Variants in SRPX observed in about 807,000 individuals in gnomAD.
SRPX encodes the protein sushi repeat-containing protein SRPX.
Under a neutral mutation model 38.1 loss-of-function variants are expected in SRPX, and 24 were observed. That is an observed-to-expected ratio of 0.63 (90% CI 0.46 to 0.89). The LOEUF (loss-of-function observed/expected upper bound fraction) is 0.89. Ranked by LOEUF, SRPX falls within the 40% of genes least tolerant of loss-of-function variation. The pLI is 0.00. For missense variants in SRPX, 416 were observed against 377.8 expected (o/e 1.10, Z -0.84); for synonymous variants, 184 against 153.8 (o/e 1.20, Z -1.45).
At chrX:38,176,777 G>T (rs1446971132) in intron 2 of SRPX, among the ~76,000 whole-genome samples, 2 of 111,118 alleles carry the variant, frequency 1.8e-5, no homozygotes, top group Admixed American at 1.9e-4. Context: ...TGGGTGACAG[G>T]GTGAGACTCC....
Position 38,203,241 on chromosome X carries a change from T to TA in SRPX, c.97+17454dup, listed in dbSNP as rs200761211. ...CGAAATTTAACATCCATTCGTGATT[T>TA]AAAAAAAAAAATTACAGCAATCTAG... On this transcript the variant is annotated intron_variant, in intron 1 of 9. Transcript: ENST00000378533. Among the ~76,000 whole-genome samples the TA allele has an allele frequency of 2.6e-3, 278 of 107,527 alleles. 6 individuals carry two copies. The East Asian group carries it at 0.064, about 25-fold the overall frequency. 93.4% of individuals were successfully genotyped at this position (107,527 alleles called of 115,157 possible).
chrX:38,164,874 T>C lies in SRPX; in HGVS notation c.548A>G (p.Lys183Arg). 2 of 1,210,589 alleles carry C rather than the reference T, an allele frequency of 1.7e-6. No individual in the cohort carries two copies. Among genetic ancestry groups the C allele is most frequent in the Non-Finnish European group, 2.2e-6 (2 of 894,926 alleles). Residue 183 changes from lysine (K) to arginine (R), a missense_variant, in exon 5 of 10, where the codon AAG becomes AGG. Lys to Arg is a conservative substitution (Grantham distance 26, BLOSUM62 2). Coordinates refer to ENST00000378533, the MANE Select transcript of SRPX (RefSeq NM_006307.5). Reference protein sequence around the residue: ...SCVDMEPPRIKCPSVKERIAE... With the variant: ...SCVDMEPPRIRCPSVKERIAE... ...AATGCGTTCCTTCACACTTGGGCAC[T>C]TGATTCTAGGAGGTTCCATATCTGA...
chrX:38,194,265 T>C (rs1938955103), intron 1 of SRPX, among the ~76,000 whole-genome samples: 1 of 111,451 alleles, frequency 9.0e-6, no homozygotes, highest in Non-Finnish European at 1.9e-5. Flanking sequence ...TGAGAATTAA[T>C]AACCATATTA....
intron 2 of SRPX, among the ~76,000 whole-genome samples, chrX:38,178,038 A>C (rs1388077059): frequency 8.9e-6 from 1 of 112,237 alleles, no homozygotes; most frequent in Non-Finnish European, 1.9e-5. Context: ...GAGGACAGTA[A>C]AGAAACTTAT....
intron 3 of SRPX, among the ~76,000 whole-genome samples, chrX:38,172,627 A>G (rs187769604): frequency 5.5e-4 from 62 of 112,487 alleles, no homozygotes; most frequent in African/African-American, 2.0e-3. Context: ...AGGTTTAGTA[A>G]GAAAGTGCTC....
At chrX:38,175,894 G>A in intron 2 of SRPX, among the ~76,000 whole-genome samples, 1 of 111,455 alleles carries the variant, frequency 9.0e-6, no homozygotes, top group East Asian at 2.8e-4. Context: ...CTTCCTCTAA[G>A]GGTTTTAATA....
At position 38,160,006 on chromosome X, in the gene SRPX, G is replaced by T. The variant is rs376651738; in HGVS notation, c.955+11C>A. The T allele has an allele frequency of 3.3e-6, 4 of 1,205,016 alleles. No homozygotes were observed. In the South Asian group the frequency reaches 5.4e-5, roughly 16 times the overall value. On this transcript the variant is annotated intron_variant, in intron 7 of 9. Transcript: ENST00000378533. ...AGGTTCTGCTGCAGGCTGGAGGGGC[G>T]GCATACCTACCTGCACAGGTGGGCT...
intron 1 of SRPX, among the ~76,000 whole-genome samples, chrX:38,192,417 T>G (rs758711087): frequency 1.3e-3 from 143 of 111,495 alleles, no homozygotes; most frequent in African/African-American, 4.3e-3. Flanking sequence ...TCATGCCCGC[T>G]GTCCCCTGCC....
intron 1 of SRPX, among the ~76,000 whole-genome samples, chrX:38,198,358 G>A (rs1309721121): frequency 4.5e-5 from 5 of 112,275 alleles, no homozygotes; most frequent in Non-Finnish European, 9.4e-5. Context: ...AGAAGCCTCA[G>A]AGAATACCAA....
At chrX:38,213,122 A>AT (rs1283926748) in intron 1 of SRPX, among the ~76,000 whole-genome samples, 1 of 90,862 alleles carries the variant, frequency 1.1e-5, no homozygotes, top group African/African-American at 3.5e-5. Context: ...ACAAAATGAT[A>AT]AATACTGTGT....
chrX:38,189,961 C>A (rs1414287068), intron 1 of SRPX, among the ~76,000 whole-genome samples: 1 of 112,080 alleles, frequency 8.9e-6, no homozygotes, highest in African/African-American at 3.2e-5. Flanking sequence ...AATGAGACAT[C>A]CATCTCCCTC....
chrX:38,157,199 C>T (rs768715646), intron 7 of SRPX, among the ~76,000 whole-genome samples, 170 bp from the exon 8 acceptor site: 4 of 111,624 alleles, frequency 3.6e-5, no homozygotes, highest in Non-Finnish European at 7.5e-5. Flanking sequence ...TGGAGGAGTA[C>T]GGAAGTATAT....
At chrX:38,152,546 G>A (rs751383323) in intron 9 of SRPX, among the ~76,000 whole-genome samples, 1 of 111,927 alleles carries the variant, frequency 8.9e-6, no homozygotes, top group South Asian at 3.7e-4. Flanking sequence ...CCAGCAATAC[G>A]TATTTTAACA....
chrX:38,176,230 G>A (rs1212498926), intron 2 of SRPX, among the ~76,000 whole-genome samples: 3 of 110,688 alleles, frequency 2.7e-5, no homozygotes, highest in Non-Finnish European at 5.7e-5. Flanking sequence ...GCAGATAAGG[G>A]GGAACTAATG....
At chrX:38,200,868 C>A (rs929289206) in intron 1 of SRPX, among the ~76,000 whole-genome samples, 1 of 111,872 alleles carries the variant, frequency 8.9e-6, no homozygotes, top group East Asian at 2.8e-4. Flanking sequence ...GCATTTGATG[C>A]CTAATCATTC....
chrX:38,189,427 G>T (rs976507709), intron 1 of SRPX, among the ~76,000 whole-genome samples: 1 of 111,784 alleles, frequency 8.9e-6, no homozygotes, highest in South Asian at 3.8e-4. Flanking sequence ...TATGAGGCAG[G>T]TATCATTCAG....
chrX:38,157,536 G>A (rs1463475567), intron 7 of SRPX, among the ~76,000 whole-genome samples: 1 of 111,463 alleles, frequency 9.0e-6, no homozygotes, highest in Non-Finnish European at 1.9e-5. Flanking sequence ...CATCAGTTCT[G>A]CCTCCTTTAT....
intron 1 of SRPX, among the ~76,000 whole-genome samples, chrX:38,195,386 T>G (rs1371948904): frequency 9.4e-6 from 1 of 106,170 alleles, no homozygotes; most frequent in Non-Finnish European, 1.9e-5. Flanking sequence ...TTTGTGGTTT[T>G]TTTTTTTTTT....
chrX:38,174,041 C>T lies in SRPX; in HGVS notation c.349+119G>A, dbSNP rs73469666. On this transcript the variant is annotated intron_variant, in intron 3 of 9. Coordinates refer to ENST00000378533, the MANE Select transcript of SRPX (RefSeq NM_006307.5). ...CCATATCTTAGAATCCCCCTGGTGT[C>T]CCCCTGATCATAAGGAGAATTTTTC... 1.3e-3 allele frequency: 673 copies of T among 525,852 alleles called. 4 individuals carry two copies. The African/African-American group carries it at 0.015, about 12-fold the overall frequency. 43.3% of individuals were successfully genotyped at this position (525,852 alleles called of 1,213,427 possible).
Sources: allele counts gnomAD v4.1 joint callset (sites outside exome capture counted in the v4.1 genomes callset), GRCh38; gene constraint gnomAD v4.1.1; transcripts MANE v1.5; gene names NCBI Gene and HGNC (gene_info 2026-07-23, HGNC 2026-07-21).